GSDMC: variants seen among roughly 807,000 people sequenced by gnomAD.
GSDMC encodes gasdermin C, also known as gasdermin-C.
In GSDMC, 59 loss-of-function variants were observed where a neutral mutation model predicts 58.0. That is an observed-to-expected ratio of 1.02 (90% CI 0.82 to 1.26). GSDMC has a LOEUF of 1.26. Among genes scored for constraint, GSDMC ranks in the 50% most tolerant of loss-of-function variants. The probability of loss-of-function intolerance (pLI) is 0.00; values close to 1 mark genes in which losing one functional copy is unlikely to be tolerated. For synonymous variants in GSDMC, 241 were observed against 220.2 expected (o/e 1.09, Z -0.83); for missense variants, 659 against 598.5 (o/e 1.10, Z -1.06).
At chr8:129,744,391 G>C (rs2032922628), downstream of GSDMC, among the ~76,000 whole-genome samples, 1 of 152,212 alleles carries the variant, frequency 6.6e-6, no homozygotes, top group Non-Finnish European at 1.5e-5. Context: ...GAAGGTTGAT[G>C]TCTGCTCTAG....
chr8:129,767,615 A>G (rs766568950), intron 3 of GSDMC, among the ~76,000 whole-genome samples: 20 of 152,178 alleles, frequency 1.3e-4, no homozygotes, highest in Non-Finnish European at 2.8e-4. Context: ...ACCATGGAGC[A>G]AACTGAGTAG....
intron 10 of GSDMC, among the ~76,000 whole-genome samples, chr8:129,751,202 G>A (rs1029141259): frequency 6.6e-6 from 1 of 152,150 alleles, no homozygotes; most frequent in African/African-American, 2.4e-5. Flanking sequence ...TATCCTCAAT[G>A]TTTATGAAGA....
intron 7 of GSDMC, 21 bp from the exon 8 acceptor site, chr8:129,752,168 GT>G: frequency 6.2e-7 from 1 of 1,604,234 alleles, no homozygotes; most frequent in Non-Finnish European, 8.5e-7. Context: ...AAAGAAAAGT[GT>G]TTACTCACCA....
intron 3 of GSDMC, among the ~76,000 whole-genome samples, chr8:129,775,579 CA>C (rs1461894114): frequency 6.6e-6 from 1 of 152,050 alleles, no homozygotes; most frequent in Non-Finnish European, 1.5e-5. Flanking sequence ...GGTCTTTTCA[CA>C]ATATATACAT....
chr8:129,763,942 G>A (rs758396979), intron 4 of GSDMC, among the ~76,000 whole-genome samples: 3 of 151,914 alleles, frequency 2.0e-5, no homozygotes, highest in Admixed American at 6.6e-5. Context: ...AAATTTCTTC[G>A]ATTTTGCTTT....
chr8:129,729,327 A>G, the GSDMC span: 4 of 509,422 alleles, frequency 7.9e-6, no homozygotes, highest in South Asian at 5.0e-5. Context: ...AATTATTATT[A>G]TACTTTAAGT....
intron 3 of GSDMC, among the ~76,000 whole-genome samples, chr8:129,771,961 A>G (rs559904537): frequency 6.6e-6 from 1 of 152,316 alleles, no homozygotes; most frequent in Admixed American, 6.5e-5. Context: ...TTTATACCTT[A>G]AAGAACTAGA....
chr8:129,734,514 C>A, the GSDMC span, among the ~76,000 whole-genome samples: 1 of 152,140 alleles, frequency 6.6e-6, no homozygotes, highest in Admixed American at 6.5e-5. Context: ...AGAGTGGGGG[C>A]CAATATCCAA....
At chr8:129,721,352 T>C in the GSDMC span, among the ~76,000 whole-genome samples, 1 of 152,290 alleles carries the variant, frequency 6.6e-6, no homozygotes, top group African/African-American at 2.4e-5. Flanking sequence ...CCTGACTTCT[T>C]TGTTTCTGTT....
rs376299055 is a variant in GSDMC at position 129,781,149 on chromosome 8, CA to C, written c.-4-3559del. On this transcript the variant is annotated intron_variant, in intron 1 of 13. Coordinates refer to ENST00000276708, the MANE Select transcript of GSDMC (RefSeq NM_031415.3). ...AGAAGATCACAAAACAACCAGAAAA[CA>C]AAAAATAAAATACCAAAAGTACTCA... Among the ~76,000 whole-genome samples the C allele has an allele frequency of 1.4e-3, 207 of 151,554 alleles. 1 individual carries two copies. Among genetic ancestry groups the C allele is most frequent in the Admixed American group, 3.7e-3 (57 of 15,244 alleles).
the GSDMC span, among the ~76,000 whole-genome samples, chr8:129,720,003 C>T: frequency 6.6e-6 from 1 of 152,152 alleles, no homozygotes; most frequent in South Asian, 2.1e-4. Context: ...CAAGTGTTCT[C>T]ATCCATAAAT....
chr8:129,764,604 G>A (rs2033792122), intron 4 of GSDMC, among the ~76,000 whole-genome samples: 1 of 152,182 alleles, frequency 6.6e-6, no homozygotes, highest in Admixed American at 6.6e-5. Flanking sequence ...GTGGGTGAGG[G>A]TAGGTGCCTG....
intron 6 of GSDMC, 61 bp from the exon 7 acceptor site, chr8:129,752,881 G>A (rs2033271044): frequency 6.2e-7 from 1 of 1,609,904 alleles, no homozygotes; most frequent in Non-Finnish European, 8.5e-7. Context: ...GTACTGCCTT[G>A]TCATAGCAGA....
At position 129,759,077 on chromosome 8, in the gene GSDMC, T is replaced by C. The variant is rs191416639; in HGVS notation, c.721+1468A>G. 2.8e-3 allele frequency among the ~76,000 whole-genome samples: 432 copies of C among 152,180 alleles called. 1 individual carries two copies. The highest frequency in any genetic ancestry group is 4.9e-3 in the Non-Finnish European group (336 of 67,982). Reference sequence around the variant, plus strand: ...AAATCTATGTACCTACAGTGAACCATCTTTGACAAAGTTGCCAAGCACATA... The same window carrying C: ...AAATCTATGTACCTACAGTGAACCACCTTTGACAAAGTTGCCAAGCACATA... On this transcript the variant is annotated intron_variant, in intron 6 of 13. Coordinates refer to ENST00000276708, the MANE Select transcript of GSDMC (RefSeq NM_031415.3).
At chr8:129,720,044 A>G in the GSDMC span, among the ~76,000 whole-genome samples, 1 of 152,222 alleles carries the variant, frequency 6.6e-6, no homozygotes, top group Non-Finnish European at 1.5e-5. Flanking sequence ...AGGAGTCCCT[A>G]TGAACAATTC....
At chr8:129,745,914 C>T (rs750312416), downstream of GSDMC, among the ~76,000 whole-genome samples, 3 of 125,058 alleles carry the variant, frequency 2.4e-5, no homozygotes, top group Non-Finnish European at 4.7e-5. Context: ...ATGCCATGAC[C>T]TTAAGCACTG....
the GSDMC span, among the ~76,000 whole-genome samples, chr8:129,736,647 A>C: frequency 6.6e-6 from 1 of 152,164 alleles, no homozygotes; most frequent in Non-Finnish European, 1.5e-5. Flanking sequence ...TCTCAAAATA[A>C]TAAGAGCTAT....
In GSDMC at chr8:129,781,493, C is replaced by T. The variant is rs547899552; in HGVS notation, c.-4-3902G>A. ...GACGCGATGGCTCACGCCTGTAATC[C>T]CAGCATTTTTGGAGGCCGAGACGGG... On this transcript the variant is annotated intron_variant, in intron 1 of 13. Transcript: ENST00000276708. Among the ~76,000 whole-genome samples, 27 of 152,254 alleles carry T rather than the reference C, an allele frequency of 1.8e-4. No homozygotes were observed. The Middle Eastern group carries it at 0.01, about 58-fold the overall frequency.
chr8:129,734,943 A>C, the GSDMC span, among the ~76,000 whole-genome samples: 4 of 152,108 alleles, frequency 2.6e-5, no homozygotes, highest in Admixed American at 2.6e-4. Context: ...ACAGGCTCAA[A>C]TAGAGGGATG....
Sources: allele counts gnomAD v4.1 joint callset (sites outside exome capture counted in the v4.1 genomes callset), GRCh38; gene constraint gnomAD v4.1.1; transcripts MANE v1.5; gene names NCBI Gene and HGNC (gene_info 2026-07-23, HGNC 2026-07-21).